The following PCDHGA6 variants were observed in gnomAD, a reference collection of about 807,000 sequenced individuals.
The protein encoded by PCDHGA6 is protocadherin gamma subfamily A, 6, also known as protocadherin gamma-A6.
Under a neutral mutation model 60.6 loss-of-function variants are expected in PCDHGA6, and 41 were observed. The observed-to-expected ratio is 0.68, with a 90% confidence interval of 0.53 to 0.88. PCDHGA6 has a LOEUF of 0.88. PCDHGA6 is among the 40% of genes least tolerant of loss of function. PCDHGA6 has a pLI of 0.00. For missense variants in PCDHGA6, 1,312 were observed against 1,203.0 expected, an observed-to-expected ratio of 1.09 and a Z score of -1.34; for synonymous variants, 594 against 524.4, an observed-to-expected ratio of 1.13 and a Z score of -1.81.
At chr5:141,454,620 G>T (rs1028840158) in intron 1 of PCDHGA6, among the ~76,000 whole-genome samples, 1 of 151,520 alleles carries the variant, frequency 6.6e-6, no homozygotes, top group East Asian at 1.9e-4. Flanking sequence ...TGGTCAGGCT[G>T]GTCTCGAACC....
chr5:141,403,697 G>A (rs1230785832), intron 1 of PCDHGA6: 5 of 1,613,830 alleles, frequency 3.1e-6, no homozygotes, highest in Admixed American at 1.7e-5. Context: ...GATTTACCGA[G>A]TTAAAGTCCT....
intron 1 of PCDHGA6, among the ~76,000 whole-genome samples, chr5:141,454,658 G>T (rs961640658): frequency 1.3e-5 from 2 of 151,812 alleles, no homozygotes; most frequent in Non-Finnish European, 2.9e-5. Flanking sequence ...TGCCCACCTC[G>T]GCCTCCCAAA....
chr5:141,401,888 TTC>T (rs1281227155), intron 1 of PCDHGA6, among the ~76,000 whole-genome samples: 3 of 152,232 alleles, frequency 2.0e-5, no homozygotes, highest in Non-Finnish European at 2.9e-5. Flanking sequence ...ATATTTTGTG[TTC>T]TTTTTCCCAA....
chr5:141,491,450 C>G lies in PCDHGA6; in HGVS notation c.2425-3357C>G. ...CAGTGCTGCAGGCGCCAGGACTCAC[C>G]CTCCCCGGACTTCTATAAGCAGTCC... On this transcript the variant is annotated intron_variant, in intron 1 of 3. Transcript: ENST00000517434. The surrounding 1 kb of genome is among the most constrained non-coding windows in gnomAD (Gnocchi z 6.9). The G allele has an allele frequency of 1.2e-6, 2 of 1,614,110 alleles. No homozygotes were observed. Among genetic ancestry groups the G allele is most frequent in the Non-Finnish European group, 1.7e-6 (2 of 1,180,044 alleles).
intron 1 of PCDHGA6, among the ~76,000 whole-genome samples, chr5:141,435,921 C>T (rs767290430): frequency 1.3e-5 from 2 of 152,186 alleles, no homozygotes; most frequent in Admixed American, 6.5e-5. Context: ...CTCTAAAATG[C>T]GGCAGTTGCT....
intron 1 of PCDHGA6, among the ~76,000 whole-genome samples, chr5:141,470,752 C>T (rs1427502169): frequency 6.6e-6 from 1 of 152,178 alleles, no homozygotes; most frequent in Non-Finnish European, 1.5e-5. Flanking sequence ...GGCTGGAGTG[C>T]AGTGGACTCA....
Position 141,375,952 on chromosome 5 carries a change from G to A in PCDHGA6, c.1869G>A (p.Thr623=), listed in dbSNP as rs1032808913. 1.2e-6 allele frequency: 2 copies of A among 1,613,396 alleles called. No individual in the cohort carries two copies. The highest frequency in any genetic ancestry group is 1.7e-6 in the Non-Finnish European group (2 of 1,179,944). ...GACTTTTCTCAGTGGGCCTGCACAC[G>A]GGCGAGGTGCGCACGGCGCGCGCCC... ...EPGLFSVGLH[T]GEVRTARALL... is the part of the protein sequence containing the mutation. The change falls in exon 1 of 4, where the codon ACG becomes ACA. Residue 623 remains threonine (T), a synonymous_variant. Transcript: ENST00000517434.
chr5:141,375,611 G>A lies in PCDHGA6; in HGVS notation c.1528G>A (p.Asp510Asn), dbSNP rs1049659012. 8 of 1,614,060 alleles carry A rather than the reference G, an allele frequency of 5.0e-6. No individual in the cohort carries two copies. The African/African-American group carries it at 8.0e-5, about 16-fold the overall frequency. The change falls in exon 1 of 4, where the codon GAC (aspartate) becomes AAC (asparagine). Residue 510 changes from aspartate to asparagine, a missense_variant. Asp to Asn is a conservative substitution (Grantham distance 23). Transcript: ENST00000517434. ...GTCCTCCTACGTGTCCATCAACTCC[G>A]ACACTGGGATTCTGTACGCCCTGCG... Reference protein sequence around the residue: ...PLSSYVSINSDTGILYALRSF... With the variant: ...PLSSYVSINSNTGILYALRSF...
At position 141,485,342 on chromosome 5, in the gene PCDHGA6, G is replaced by A; in HGVS notation, c.2425-9465G>A. On this transcript the variant is annotated intron_variant, in intron 1 of 3. Coordinates refer to ENST00000517434, the MANE Select transcript of PCDHGA6 (RefSeq NM_018919.3). The surrounding 1 kb of genome is among the most constrained non-coding windows in gnomAD (Gnocchi z 5.7). ...CGCTCAAGATTTCCTGCTGGATACG[G>A]ACAGTCTGTCAGCTCGCAGGCTGCA... 1 of 1,614,164 alleles carries A rather than the reference G, an allele frequency of 6.2e-7. No homozygotes were observed. The highest frequency in any genetic ancestry group is 8.5e-7 in the Non-Finnish European group (1 of 1,180,026).
At chr5:141,457,098 T>G (rs1179930043) in intron 1 of PCDHGA6, among the ~76,000 whole-genome samples, 1 of 152,242 alleles carries the variant, frequency 6.6e-6, no homozygotes, top group Non-Finnish European at 1.5e-5. Flanking sequence ...AGGATACTAA[T>G]TAAGCAAAAT....
intron 2 of PCDHGA6, among the ~76,000 whole-genome samples, chr5:141,501,620 T>G (rs1393018933): frequency 6.6e-6 from 1 of 152,090 alleles, no homozygotes; most frequent in Non-Finnish European, 1.5e-5. Context: ...GACTCTGGTA[T>G]AGTCTCTCAA....
intron 1 of PCDHGA6, among the ~76,000 whole-genome samples, chr5:141,424,908 C>G (rs910592644): frequency 1.3e-5 from 2 of 152,184 alleles, no homozygotes; most frequent in Non-Finnish European, 2.9e-5. Context: ...TCACAGGAAT[C>G]ATTTCCATAA....
At chr5:141,469,893 A>G (rs2099214569) in intron 1 of PCDHGA6, among the ~76,000 whole-genome samples, 1 of 152,200 alleles carries the variant, frequency 6.6e-6, no homozygotes, top group South Asian at 2.1e-4. Context: ...CACTTTGGGA[A>G]GCCGAGGCAG....
At chr5:141,461,354 C>T (rs1189322704) in intron 1 of PCDHGA6, among the ~76,000 whole-genome samples, 2 of 152,054 alleles carry the variant, frequency 1.3e-5, no homozygotes, top group Non-Finnish European at 2.9e-5. Context: ...GGTGGTAGCT[C>T]GTTGTGGTTT....
At chr5:141,452,003 T>C (rs1031228207) in intron 1 of PCDHGA6, among the ~76,000 whole-genome samples, 2 of 152,210 alleles carry the variant, frequency 1.3e-5, no homozygotes, top group Non-Finnish European at 2.9e-5. Context: ...CAAAATCACT[T>C]GGTCCAGCCC....
chr5:141,501,964 A>G (rs1374872785), intron 2 of PCDHGA6, among the ~76,000 whole-genome samples: 1 of 151,854 alleles, frequency 6.6e-6, no homozygotes, highest in East Asian at 1.9e-4. Flanking sequence ...TCATCCTCCT[A>G]ACCTCTGGCA....
intron 2 of PCDHGA6, among the ~76,000 whole-genome samples, chr5:141,498,848 G>T (rs930895553): frequency 6.6e-6 from 1 of 151,908 alleles, no homozygotes; most frequent in African/African-American, 2.4e-5. Context: ...CAGGGGAATC[G>T]CTTGAACCCA....
Position 141,419,025 on chromosome 5 carries a change from G to T in PCDHGA6, c.2424+42518G>T, listed in dbSNP as rs2096315076. 6.2e-6 allele frequency: 10 copies of T among 1,613,736 alleles called. No homozygotes were observed. In the East Asian group the frequency reaches 2.0e-4, roughly 32 times the overall value. On this transcript the variant is annotated intron_variant, in intron 1 of 3. Transcript: ENST00000517434. ...GAAGTCAGGTGTAGCTTAAGTAGAG[G>T]TGTTCCATTTAAGATTCATTCTTCT...
chr5:141,476,357 C>T lies in PCDHGA6; in HGVS notation c.2425-18450C>T. On this transcript the variant is annotated intron_variant, in intron 1 of 3. Transcript: ENST00000517434. The surrounding 1 kb of genome is among the most constrained non-coding windows in gnomAD (Gnocchi z 7.6). ...TAGCCGAAGATTCTTTGAGGTGAAC[C>T]GGGAGACCGGAGAGATGTTTGTGAA... The T allele has an allele frequency of 6.2e-7, 1 of 1,614,052 alleles. No individual in the cohort carries two copies. The highest frequency in any genetic ancestry group is 2.2e-5 in the East Asian group (1 of 44,854).
Sources: gnomAD v4.1 joint callset for allele counts (sites outside exome capture counted in the v4.1 genomes callset) on GRCh38, gnomAD v4.1.1 for gene constraint, Gnocchi (gnomAD v3.1) non-coding constraint, MANE v1.5 for transcripts, NCBI Gene and HGNC (gene_info 2026-07-23, HGNC 2026-07-21) for gene names.